The following PKNOX1 variants were observed in gnomAD, a reference collection of about 807,000 sequenced individuals.
PKNOX1 encodes PBX/knotted 1 homeobox 1.
A neutral mutation model predicts 51.9 loss-of-function variants in PKNOX1; 15 were observed. The ratio of observed to expected loss-of-function variants is 0.29; its 90% CI spans 0.19 to 0.45. The LOEUF is 0.45. Ranked by LOEUF, PKNOX1 falls within the 20% of genes least tolerant of loss-of-function variation. The probability of loss-of-function intolerance (pLI) is 1.00; values close to 1 mark genes in which losing one functional copy is unlikely to be tolerated. For missense variants in PKNOX1, 462 were observed against 547.5 expected (o/e 0.84, Z 1.56); for synonymous variants, 219 against 211.1 (o/e 1.04, Z -0.32).
At chr21:42,995,157 G>C (rs556465246) in intron 1 of PKNOX1, among the ~76,000 whole-genome samples, 1 of 151,856 alleles carries the variant, frequency 6.6e-6, no homozygotes, top group South Asian at 2.1e-4. Context: ...CCTGACCTCA[G>C]GTAGTCCACC....
intron 1 of PKNOX1, among the ~76,000 whole-genome samples, chr21:42,979,123 A>G (rs1311538630): frequency 6.6e-6 from 1 of 152,154 alleles, no homozygotes; most frequent in Non-Finnish European, 1.5e-5. Context: ...CTGTCTCTTA[A>G]GTTCCTTTCC....
At position 43,021,439 on chromosome 21, in the gene PKNOX1, C is replaced by T. The variant is rs1191272980; in HGVS notation, c.849+8C>T. 1.6e-5 allele frequency: 25 copies of T among 1,599,978 alleles called. No homozygotes were observed. Among genetic ancestry groups the T allele is most frequent in the Admixed American group, 1.0e-4 (6 of 58,532 alleles). ...CTCTTCCAGCACATCGGGGTAAGGA[C>T]GGCTGGGCCAGCCCTTGCCTTGCAG... On this transcript the variant is annotated splice_region_variant and intron_variant, in intron 8 of 10. Coordinates refer to ENST00000291547, the MANE Select transcript of PKNOX1 (RefSeq NM_004571.5). The surrounding 1 kb of genome is among the most constrained non-coding windows in gnomAD (Gnocchi z 4.6).
intron 1 of PKNOX1, among the ~76,000 whole-genome samples, chr21:42,987,404 A>AAAAAAAAAAAATATATATATATAT: frequency 2.4e-5 from 1 of 41,412 alleles, no homozygotes; most frequent in Non-Finnish European, 4.8e-5. Context: ...AAAAAAAAAA[A>AAAAAAAAAAAATATATATATATAT]ATATATATAT....
At position 43,030,280 on chromosome 21, in the gene PKNOX1, T is replaced by C. The variant is rs201243901; in HGVS notation, c.*179T>C. 8.0e-4 allele frequency: 346 copies of C among 430,352 alleles called. No homozygotes were observed. The highest frequency in any genetic ancestry group is 4.5e-3 in the South Asian group (90 of 19,964). The allele number at this position is 430,352 out of a possible 1,614,324, so 26.7% of individuals were successfully genotyped here. On this transcript the variant is annotated 3_prime_UTR_variant, in exon 11 of 11. Transcript: ENST00000291547. ...TTTCAAGTGTGTGTGTGTGTGTGTG[T>C]GTGTGTGTGTGTGCGTGTGTGCGTG...
chr21:42,995,025 G>T (rs1420958858), intron 1 of PKNOX1, among the ~76,000 whole-genome samples: 1 of 148,840 alleles, frequency 6.7e-6, no homozygotes, highest in Non-Finnish European at 1.5e-5. Flanking sequence ...GGGTTCAAGC[G>T]ATTTTTCTGC....
chr21:43,026,188 A>G (rs1164330915), intron 9 of PKNOX1, among the ~76,000 whole-genome samples: 4 of 152,196 alleles, frequency 2.6e-5, no homozygotes, highest in African/African-American at 9.6e-5. Context: ...TTCTGCATTC[A>G]TGATTTCCTG....
Position 43,033,676 on chromosome 21 carries a change from G to A in PKNOX1, c.*3575G>A, listed in dbSNP as rs921607979. ...ATGTTTTCATGTTTTCTGGTGACAT[G>A]TAGGGTCTGTAGTCACCCCTGCATA... On this transcript the variant is annotated 3_prime_UTR_variant, in exon 11 of 11. Transcript: ENST00000291547. 1 of 152,140 alleles carries A rather than the reference G, an allele frequency of 6.6e-6. No homozygotes were observed. The highest frequency in any genetic ancestry group is 2.4e-5 in the African/African-American group (1 of 41,420). 9.4% of individuals were successfully genotyped at this position (152,140 alleles called of 1,614,324 possible).
At chr21:43,002,922 G>A (rs902311980) in intron 1 of PKNOX1, among the ~76,000 whole-genome samples, 3 of 152,044 alleles carry the variant, frequency 2.0e-5, no homozygotes, top group Non-Finnish European at 4.4e-5. Context: ...TCACTATGTT[G>A]GCCAGGCTGG....
At chr21:43,015,019 A>T (rs1002386834) in intron 5 of PKNOX1, among the ~76,000 whole-genome samples, 1 of 152,252 alleles carries the variant, frequency 6.6e-6, no homozygotes, top group African/African-American at 2.4e-5. Context: ...CTCTCCATTG[A>T]TTGACAACTC....
At position 43,030,488 on chromosome 21, in the gene PKNOX1, G is replaced by T. The variant is rs184389988; in HGVS notation, c.*387G>T. Reference sequence around the variant, plus strand: ...CAGATCTCAGTGGGCTGGTTGATTTGTGTGGCCCATGGATTTGAAAGAAGC... The same window carrying T: ...CAGATCTCAGTGGGCTGGTTGATTTTTGTGGCCCATGGATTTGAAAGAAGC... On this transcript the variant is annotated 3_prime_UTR_variant, in exon 11 of 11. Transcript: ENST00000291547. 9.6e-4 allele frequency: 154 copies of T among 159,602 alleles called. No homozygotes were observed. Among genetic ancestry groups the T allele is most frequent in the African/African-American group, 3.5e-3 (146 of 41,730 alleles). The allele number at this position is 159,602 out of a possible 1,614,324, so 9.9% of individuals were successfully genotyped here.
At chr21:43,027,218 CAG>C (rs1980020684) in intron 9 of PKNOX1, among the ~76,000 whole-genome samples, 1 of 152,166 alleles carries the variant, frequency 6.6e-6, no homozygotes. Flanking sequence ...AAAAAGAAGA[CAG>C]AAACGAGGCC....
At chr21:43,006,003 A>G (rs1194309422) in intron 2 of PKNOX1, among the ~76,000 whole-genome samples, 9 of 152,178 alleles carry the variant, frequency 5.9e-5, no homozygotes, top group Non-Finnish European at 1.2e-4. Flanking sequence ...TAGACCTATC[A>G]TAATTATTTT....
At chr21:42,987,404 A>AAAAAAAAATATATATATAT in intron 1 of PKNOX1, among the ~76,000 whole-genome samples, 2 of 41,410 alleles carry the variant, frequency 4.8e-5, no homozygotes, top group African/African-American at 9.3e-5. Context: ...AAAAAAAAAA[A>AAAAAAAAATATATATATAT]ATATATATAT....
chr21:43,010,058 C>A lies in PKNOX1; in HGVS notation c.185C>A (p.Pro62Gln). 6.4e-7 allele frequency: 1 copy of A among 1,550,926 alleles called. No individual in the cohort carries two copies. The highest frequency in any genetic ancestry group is 8.7e-7 in the Non-Finnish European group (1 of 1,151,830). The change falls in exon 4 of 11, where the codon CCA (proline) becomes CAA (glutamine). Residue 62 changes from proline (P) to glutamine (Q), a missense_variant. By Grantham distance (76) the Pro-to-Gln change is moderately conservative. Transcript: ENST00000291547. ...DVDKQAIYRH[P>Q]LFPLLALLFE... Reference sequence around the variant, plus strand: ...TTTTTTTCTTTTCTCCTCAGGCATCCACTATTTCCATTATTAGCTTTGTTG... The same window carrying A: ...TTTTTTTCTTTTCTCCTCAGGCATCAACTATTTCCATTATTAGCTTTGTTG...
intron 2 of PKNOX1, among the ~76,000 whole-genome samples, chr21:43,007,008 T>C (rs137980242): frequency 1.3e-5 from 2 of 152,254 alleles, no homozygotes; most frequent in Non-Finnish European, 2.9e-5. Flanking sequence ...CCTTTCTGAA[T>C]GCAGTGACAT....
chr21:43,011,582 G>T (rs1979254494), intron 4 of PKNOX1, among the ~76,000 whole-genome samples: 1 of 152,190 alleles, frequency 6.6e-6, no homozygotes, highest in Non-Finnish European at 1.5e-5. Context: ...TCCTGCCAGA[G>T]TGTAACCACG....
chr21:43,016,678 A>G (rs1161658372), intron 5 of PKNOX1, among the ~76,000 whole-genome samples: 1 of 152,224 alleles, frequency 6.6e-6, no homozygotes, highest in East Asian at 1.9e-4. Flanking sequence ...TGGAAGCCAC[A>G]GTGCAGGCTG....
At chr21:43,008,361 C>T (rs1390942037) in intron 3 of PKNOX1, among the ~76,000 whole-genome samples, 3 of 152,124 alleles carry the variant, frequency 2.0e-5, no homozygotes, top group Non-Finnish European at 4.4e-5. Context: ...GGCCAATATC[C>T]TTCATGAACT....
chr21:43,014,696 C>T (rs1438359212), intron 5 of PKNOX1, among the ~76,000 whole-genome samples: 2 of 152,194 alleles, frequency 1.3e-5, no homozygotes, highest in Non-Finnish European at 2.9e-5. Flanking sequence ...TGTGAACCAC[C>T]ATGCCTGGCC....
Sources: allele counts gnomAD v4.1 joint callset (sites outside exome capture counted in the v4.1 genomes callset), GRCh38; gene constraint gnomAD v4.1.1; non-coding constraint Gnocchi (gnomAD v3.1); transcripts MANE v1.5; gene names NCBI Gene and HGNC (gene_info 2026-07-23, HGNC 2026-07-21).